Variants in ANKMY1 observed in about 807,000 individuals in gnomAD.
ANKMY1 encodes ankyrin repeat and MYND domain-containing protein 1.
In ANKMY1, 98 loss-of-function variants were observed where a neutral mutation model predicts 102.0. The ratio of observed to expected loss-of-function variants is 0.96; its 90% CI spans 0.82 to 1.14. The LOEUF is 1.14. Ranked by LOEUF, ANKMY1 falls within the 50% of genes most tolerant of loss-of-function variation. The pLI is 0.00. For synonymous variants in ANKMY1, 582 were observed against 559.9 expected (o/e 1.04, Z -0.56); for missense variants, 1,330 against 1,347.6 (o/e 0.99, Z 0.20).
At chr2:240,542,720 CTA>C (rs71404655) in intron 4 of ANKMY1, among the ~76,000 whole-genome samples, 80,626 of 144,726 alleles carry the variant, frequency 0.56, 22,818 homozygotes, top group East Asian at 0.76. Flanking sequence ...ATGTTTATAT[CTA>C]TATATATATA....
At chr2:240,480,466 C>G (rs111728412) in intron 17 of ANKMY1, among the ~76,000 whole-genome samples, 36 of 152,338 alleles carry the variant, frequency 2.4e-4, no homozygotes, top group African/African-American at 7.9e-4. Context: ...GAAGCAGACA[C>G]CTGTTGACGT....
Position 240,514,809 on chromosome 2 carries a change from G to A in ANKMY1, c.2005-1867C>T, listed in dbSNP as rs1425304753. 3.3e-5 allele frequency among the ~76,000 whole-genome samples: 5 copies of A among 152,234 alleles called. No homozygotes were observed. In the East Asian group the frequency reaches 5.8e-4, roughly 18 times the overall value. ...CAGCATGGTGGAGGGAGGCAACCCC[G>A]AGAGTCCCATTCCTCCTGGGAGTCA... On this transcript the variant is annotated intron_variant, in intron 9 of 17. Coordinates refer to ENST00000401804, the MANE Select transcript of ANKMY1 (RefSeq NM_001282771.3).
At chr2:240,521,680 A>G (rs866497031) in intron 8 of ANKMY1, among the ~76,000 whole-genome samples, 138 of 151,896 alleles carry the variant, frequency 9.1e-4, no homozygotes, top group African/African-American at 3.1e-3. Context: ...TTGTATTTTT[A>G]GTAGAGACGG....
intron 4 of ANKMY1, among the ~76,000 whole-genome samples, chr2:240,541,255 A>G (rs891071918): frequency 1.1e-4 from 17 of 152,130 alleles, no homozygotes; most frequent in Admixed American, 9.8e-4. Context: ...TTGCAGGGTG[A>G]CCAAGCCCAA....
chr2:240,559,356 A>G (rs1304227563), upstream of ANKMY1, among the ~76,000 whole-genome samples: 1 of 152,194 alleles, frequency 6.6e-6, no homozygotes, highest in East Asian at 1.9e-4. Context: ...AGTGGCATCA[A>G]GGACCTTGGC....
chr2:240,529,284 C>T lies in ANKMY1; in HGVS notation c.706G>A (p.Gly236Arg). Reference protein sequence around the residue: ...EEKTEWGLQEGQDPFFYDYKR... With the variant: ...EEKTEWGLQERQDPFFYDYKR... ...TAGTCATAGAAAAAGGGATCCTGTC[C>T]CTCCTGCAGTCCCCACTCCGTTTTC... The change falls in exon 5 of 18, where the codon GGA becomes AGA. Residue 236 changes from glycine (G) to arginine (R), a missense_variant. Gly to Arg is a moderately radical substitution (Grantham distance 125). Transcript: ENST00000401804. The surrounding 1 kb of genome is among the most constrained non-coding windows in gnomAD (Gnocchi z 4.2). The T allele has an allele frequency of 6.2e-7, 1 of 1,614,130 alleles. No homozygotes were observed. The highest frequency in any genetic ancestry group is 2.2e-5 in the East Asian group (1 of 44,866).
In ANKMY1 at chr2:240,499,330, A is replaced by G. The variant is rs1484165727; in HGVS notation, c.2806+628T>C. On this transcript the variant is annotated intron_variant, in intron 15 of 17. Coordinates refer to ENST00000401804, the MANE Select transcript of ANKMY1 (RefSeq NM_001282771.3). This position sits in a 1 kb window ranked among gnomAD's most constrained non-coding sequence, Gnocchi z 4.2. ...AGAGTAGGTAAATGTGAGGGTGGGA[A>G]CATGAGGGGGTATGTGGGGGTGGGG... Among the ~76,000 whole-genome samples, 1 of 129,874 alleles carries G rather than the reference A, an allele frequency of 7.7e-6. No individual in the cohort carries two copies. The highest frequency in any genetic ancestry group is 8.0e-5 in the Admixed American group (1 of 12,570). 85.2% of individuals were successfully genotyped at this position (129,874 alleles called of 152,430 possible). A position where few individuals can be genotyped will look rare whatever the true frequency, so the allele number is the denominator to read the frequency against.
intron 4 of ANKMY1, among the ~76,000 whole-genome samples, chr2:240,545,878 G>A (rs1239652330): frequency 2.6e-5 from 4 of 152,206 alleles, no homozygotes; most frequent in East Asian, 1.9e-4. Flanking sequence ...CCAAATCTAC[G>A]TCTGATTGGT....
chr2:240,482,538 G>A (rs1158350878), intron 15 of ANKMY1, among the ~76,000 whole-genome samples: 1 of 152,216 alleles, frequency 6.6e-6, no homozygotes, highest in Admixed American at 6.5e-5. Context: ...TCATTTCAAA[G>A]TGTTTCAAAT....
chr2:240,521,657 C>G (rs975201628), intron 8 of ANKMY1, among the ~76,000 whole-genome samples: 10 of 152,142 alleles, frequency 6.6e-5, no homozygotes, highest in African/African-American at 2.2e-4. Context: ...CGCCACCACG[C>G]CTGGCTAATT....
chr2:240,468,972 A>C, the ANKMY1 span, among the ~76,000 whole-genome samples: 1 of 152,198 alleles, frequency 6.6e-6, no homozygotes, highest in African/African-American at 2.4e-5. Flanking sequence ...CAAGTCCCAG[A>C]GGCCCGGCTC....
At chr2:240,526,771 A>C in intron 5 of ANKMY1, 1 of 1,263,138 alleles carries the variant, frequency 7.9e-7, no homozygotes, top group Non-Finnish European at 1.0e-6. Context: ...GTAACAGCAA[A>C]GGCCCTGGGT....
the ANKMY1 span, among the ~76,000 whole-genome samples, chr2:240,469,945 TGCATGCACATGTGCACAGGCCTATGC>T: frequency 1.3e-5 from 2 of 152,072 alleles, no homozygotes; most frequent in Non-Finnish European, 2.9e-5. Context: ...CCCATACACA[TGCATGCACATGTGCACAGGCCTATGC>T]ACGTGCACAC....
the ANKMY1 span, among the ~76,000 whole-genome samples, chr2:240,469,236 G>A: frequency 8.9e-3 from 1,360 of 152,338 alleles, 8 homozygotes; most frequent in Middle Eastern, 0.024. Context: ...GGGAAAGGAG[G>A]ACACAGGTGC....
chr2:240,509,297 G>A, intron 12 of ANKMY1, 51 bp downstream of exon 12: 2 of 1,471,190 alleles, frequency 1.4e-6, no homozygotes, highest in Non-Finnish European at 1.9e-6. Context: ...GGTGGGCACT[G>A]GAGACGGAAA....
At chr2:240,552,882 G>A (rs773074140) in intron 4 of ANKMY1, 32 bp downstream of exon 4, 22 of 1,612,644 alleles carry the variant, frequency 1.4e-5, no homozygotes, top group Admixed American at 6.7e-5. Flanking sequence ...CAGCCACTTC[G>A]ACCCCAGCTG....
rs543765035 is a variant in ANKMY1, at chr2:240,492,120, G to T, written c.2806+7838C>A. ...AAAACTCCTGGGCCCAGCCTCCCAA[G>T]CAGCTAGTACTACAGGTGCATGCCA... is the stretch of plus-strand genomic sequence containing the variant. On this transcript the variant is annotated intron_variant, in intron 15 of 17. Transcript: ENST00000401804. Among the ~76,000 whole-genome samples, 244 of 152,130 alleles carry T rather than the reference G, an allele frequency of 1.6e-3. 1 individual carries two copies. Among genetic ancestry groups the T allele is most frequent in the African/African-American group, 5.7e-3 (237 of 41,492 alleles).
At chr2:240,493,387 G>T (rs1360214284) in intron 15 of ANKMY1, among the ~76,000 whole-genome samples, 1 of 152,130 alleles carries the variant, frequency 6.6e-6, no homozygotes, top group African/African-American at 2.4e-5. Context: ...TCCTTTGAAG[G>T]TGTCATATTT....
intron 15 of ANKMY1, among the ~76,000 whole-genome samples, chr2:240,495,132 C>T (rs1242144185): frequency 1.3e-5 from 2 of 148,972 alleles, no homozygotes; most frequent in East Asian, 2.0e-4. Flanking sequence ...CCAGAGGGCT[C>T]CTTGGTCTAG....
Sources: gnomAD v4.1 joint callset for allele counts (sites outside exome capture counted in the v4.1 genomes callset) on GRCh38, gnomAD v4.1.1 for gene constraint, Gnocchi (gnomAD v3.1) non-coding constraint, MANE v1.5 for transcripts, NCBI Gene and HGNC (gene_info 2026-07-23, HGNC 2026-07-21) for gene names.